ZFYVE28: variants seen among roughly 807,000 people sequenced by gnomAD.
ZFYVE28 encodes lateral signaling target protein 2 homolog.
Under a neutral mutation model 82.1 loss-of-function variants are expected in ZFYVE28, and 40 were observed. The ratio of observed to expected loss-of-function variants is 0.49; its 90% confidence interval spans 0.38 to 0.63. The LOEUF is 0.63. Ranked by LOEUF, ZFYVE28 falls within the 30% of genes least tolerant of loss-of-function variation. The pLI, the probability that ZFYVE28 is intolerant of heterozygous loss-of-function variation, is 0.00. For synonymous variants in ZFYVE28, 612 were observed against 546.1 expected, an observed-to-expected ratio of 1.12 and a Z score of -1.68; for missense variants, 1,321 against 1,242.1, an observed-to-expected ratio of 1.06 and a Z score of -0.96.
intron 1 of ZFYVE28, chr4:2,364,727 C>T: frequency 1.0e-6 from 1 of 985,514 alleles, no homozygotes; most frequent in African/African-American, 1.7e-5. Context: ...CAGTGGTGGA[C>T]GCAGGTGATG....
chr4:2,332,818 C>T lies in ZFYVE28; in HGVS notation c.701+2887G>A, dbSNP rs1270657885. ...CACTCACCCGCTCAGCACTCACCCG[C>T]CCTGCTCGAGGCTCGCTGCACAGAG... On this transcript the variant is annotated intron_variant, in intron 6 of 12. Coordinates refer to ENST00000290974, the MANE Select transcript of ZFYVE28 (RefSeq NM_020972.3). This position sits in a 1 kb window ranked among gnomAD's most constrained non-coding sequence, Gnocchi z 4.7. 6.6e-6 allele frequency among the ~76,000 whole-genome samples: 1 copy of T among 152,176 alleles called. No individual in the cohort carries two copies. The highest frequency in any genetic ancestry group is 6.5e-5 in the Admixed American group (1 of 15,286).
At chr4:2,377,109 C>T (rs2108910328) in intron 1 of ZFYVE28, among the ~76,000 whole-genome samples, 1 of 151,992 alleles carries the variant, frequency 6.6e-6, no homozygotes, top group Admixed American at 6.6e-5. Context: ...GCAAGCTCCA[C>T]CTCCCGGGTT....
intron 1 of ZFYVE28, among the ~76,000 whole-genome samples, chr4:2,369,385 A>C (rs1727248968): frequency 6.6e-6 from 1 of 152,166 alleles, no homozygotes; most frequent in South Asian, 2.1e-4. Context: ...CTAATTTGCC[A>C]TAAAGAGAGG....
chr4:2,335,154 G>T lies in ZFYVE28; in HGVS notation c.701+551C>A, dbSNP rs544269765. 6.6e-6 allele frequency among the ~76,000 whole-genome samples: 1 copy of T among 151,740 alleles called. No homozygotes were observed. The highest frequency in any genetic ancestry group is 6.6e-5 in the Admixed American group (1 of 15,266). Reference sequence around the variant, plus strand: ...CCTTGAGTTCCCTGCTCTCCCAGACGGCCCCGCTGGCAGGAAAGGTTCCAC... The same window carrying T: ...CCTTGAGTTCCCTGCTCTCCCAGACTGCCCCGCTGGCAGGAAAGGTTCCAC... On this transcript the variant is annotated intron_variant, in intron 6 of 12. Transcript: ENST00000290974. This position sits in a 1 kb window ranked among gnomAD's most constrained non-coding sequence, Gnocchi z 5.8.
intron 1 of ZFYVE28, among the ~76,000 whole-genome samples, chr4:2,386,877 C>T (rs1729310772): frequency 6.6e-6 from 1 of 152,254 alleles, no homozygotes. Context: ...CCTGAGGTGC[C>T]AGCCAAGCTC....
chr4:2,339,029 G>T lies in ZFYVE28; in HGVS notation c.521+424C>A, dbSNP rs1448607348. ...GGGTGTCACCGTGTTAGCCAGGATG[G>T]TCTCGATCTTCTGACCTCATGATCC... On this transcript the variant is annotated intron_variant, in intron 4 of 12. Transcript: ENST00000290974. This position sits in a 1 kb window ranked among gnomAD's most constrained non-coding sequence, Gnocchi z 5.0. Among the ~76,000 whole-genome samples the T allele has an allele frequency of 6.6e-6, 1 of 152,140 alleles. No individual in the cohort carries two copies. The highest frequency in any genetic ancestry group is 1.5e-5 in the Non-Finnish European group (1 of 68,024).
chr4:2,270,782 G>A lies in ZFYVE28; in HGVS notation c.2607C>T (p.Cys869=), dbSNP rs1735834319. Residue 869 remains cysteine (C), a synonymous_variant, in exon 13 of 13, where the codon TGC becomes TGT. Transcript: ENST00000290974. ...TGACATGGAACATGTAGCAGTGGGT[G>A]CACACTCGGACCGGCTTCACCTGCC... ...RYGQVKPVRV[C]THCYMFHVTP... is the part of the protein sequence containing the mutation. The A allele has an allele frequency of 2.5e-6, 4 of 1,613,238 alleles. No homozygotes were observed. Among genetic ancestry groups the A allele is most frequent in the Non-Finnish European group, 3.4e-6 (4 of 1,179,930 alleles).
chr4:2,384,395 A>G (rs1328021684), intron 1 of ZFYVE28, among the ~76,000 whole-genome samples: 2 of 152,252 alleles, frequency 1.3e-5, no homozygotes, highest in Non-Finnish European at 2.9e-5. Flanking sequence ...ACAAGTGCTC[A>G]GGGCTGCCCA....
chr4:2,277,434 C>T (rs113108869), intron 8 of ZFYVE28, among the ~76,000 whole-genome samples: 19 of 151,966 alleles, frequency 1.3e-4, no homozygotes, highest in African/African-American at 4.6e-4. Context: ...GAGCTGAGAT[C>T]GTGCCACTGC....
At chr4:2,369,643 C>T (rs1395757030) in intron 1 of ZFYVE28, among the ~76,000 whole-genome samples, 1 of 152,052 alleles carries the variant, frequency 6.6e-6, no homozygotes, top group African/African-American at 2.4e-5. Context: ...GAAAGGCACA[C>T]AGAGGAGAAT....
At chr4:2,352,335 T>C (rs1471857335) in intron 2 of ZFYVE28, among the ~76,000 whole-genome samples, 1 of 144,362 alleles carries the variant, frequency 6.9e-6, no homozygotes, top group Non-Finnish European at 1.5e-5. Flanking sequence ...TGTCGGGGGG[T>C]GGACAGGAAG....
intron 8 of ZFYVE28, among the ~76,000 whole-genome samples, chr4:2,301,458 C>T (rs868587071): frequency 1.2e-4 from 18 of 152,160 alleles, no homozygotes; most frequent in Admixed American, 1.3e-4. Context: ...CTGCCAGAAA[C>T]GCTTCCCTGG....
intron 7 of ZFYVE28, among the ~76,000 whole-genome samples, chr4:2,314,551 T>C (rs1717934122): frequency 6.6e-6 from 1 of 152,220 alleles, no homozygotes; most frequent in Non-Finnish European, 1.5e-5. Context: ...ATTTTAGTGT[T>C]ATCCTAATAT....
At chr4:2,301,464 C>T (rs138578139) in intron 8 of ZFYVE28, among the ~76,000 whole-genome samples, 2 of 152,248 alleles carry the variant, frequency 1.3e-5, no homozygotes, top group Non-Finnish European at 2.9e-5. Context: ...GAAACGCTTC[C>T]CTGGAAGATG....
At chr4:2,278,896 A>G (rs527852836) in intron 8 of ZFYVE28, among the ~76,000 whole-genome samples, 157 of 151,872 alleles carry the variant, frequency 1.0e-3, no homozygotes, top group Non-Finnish European at 2.1e-3. Context: ...TTACAATTAA[A>G]TACCATTTTA....
At position 2,339,701 on chromosome 4, in the gene ZFYVE28, G is replaced by T; in HGVS notation, c.319-46C>A. ...AGGGAGGGGCCCGGGTGAGGGCCAGGCTCTCAGGGGTCGCCGACCCGGGGA... is the reference window on the plus strand; with the variant it reads ...AGGGAGGGGCCCGGGTGAGGGCCAGTCTCTCAGGGGTCGCCGACCCGGGGA... On this transcript the variant is annotated intron_variant, in intron 3 of 12. Transcript: ENST00000290974. The surrounding 1 kb of genome is among the most constrained non-coding windows in gnomAD (Gnocchi z 5.0). The T allele has an allele frequency of 6.5e-7, 1 of 1,527,900 alleles. No homozygotes were observed. Among genetic ancestry groups the T allele is most frequent in the Admixed American group, 2.0e-5 (1 of 49,254 alleles). 94.6% of individuals were successfully genotyped at this position (1,527,900 alleles called of 1,614,324 possible).
chr4:2,338,462 G>A (rs1722211055), intron 4 of ZFYVE28, among the ~76,000 whole-genome samples: 1 of 152,044 alleles, frequency 6.6e-6, no homozygotes, highest in Non-Finnish European at 1.5e-5. Context: ...GCGTGGTGGT[G>A]GTCACCTGTA....
intron 10 of ZFYVE28, 101 bp from the exon 11 acceptor site, chr4:2,271,880 G>T: frequency 9.1e-7 from 1 of 1,097,176 alleles, no homozygotes; most frequent in Non-Finnish European, 1.4e-6. Context: ...TCCAGCAGTC[G>T]GTCAGCTCCC....
intron 1 of ZFYVE28, among the ~76,000 whole-genome samples, chr4:2,359,575 G>A (rs368514566): frequency 2.6e-5 from 4 of 152,218 alleles, no homozygotes; most frequent in African/African-American, 9.6e-5. Context: ...GCCAAAGGCG[G>A]TGTCTGCAAG....
Sources: allele counts gnomAD v4.1 joint callset (sites outside exome capture counted in the v4.1 genomes callset), GRCh38; gene constraint gnomAD v4.1.1; non-coding constraint Gnocchi (gnomAD v3.1); transcripts MANE v1.5; gene names NCBI Gene and HGNC (gene_info 2026-07-23, HGNC 2026-07-21).